Variants in PLCH1 observed in about 807,000 individuals in gnomAD.
The protein encoded by PLCH1 is 1-phosphatidylinositol 4,5-bisphosphate phosphodiesterase eta-1.
Under a neutral mutation model 126.7 loss-of-function variants are expected in PLCH1, and 60 were observed. The observed-to-expected ratio is 0.47, with a 90% CI of 0.38 to 0.59. PLCH1 has a LOEUF of 0.59. Ranked by LOEUF, PLCH1 falls within the 20% of genes least tolerant of loss-of-function variation. The probability of loss-of-function intolerance (pLI) is 0.00; values close to 1 mark genes in which losing one functional copy is unlikely to be tolerated. For missense variants in PLCH1, 1,723 were observed against 2,040.0 expected, an observed-to-expected ratio of 0.84 and a Z score of 2.99; for synonymous variants, 719 against 734.9, an observed-to-expected ratio of 0.98 and a Z score of 0.35.
chr3:155,638,486 G>A (rs1350835862), intron 2 of PLCH1, among the ~76,000 whole-genome samples: 2 of 152,214 alleles, frequency 1.3e-5, no homozygotes, highest in Non-Finnish European at 2.9e-5. Context: ...TAAACATGCA[G>A]AAGAGCTGAC....
chr3:155,663,384 G>A (rs1229155311), intron 2 of PLCH1, among the ~76,000 whole-genome samples: 1 of 152,036 alleles, frequency 6.6e-6, no homozygotes, highest in East Asian at 1.9e-4. Flanking sequence ...TATGCATGGA[G>A]AAGCAAATCC....
At chr3:155,500,095 C>G (rs1291127218) in intron 14 of PLCH1, among the ~76,000 whole-genome samples, 1 of 152,064 alleles carries the variant, frequency 6.6e-6, no homozygotes, top group Admixed American at 6.5e-5. Flanking sequence ...GCCAGGAACT[C>G]CTGTAATGAA....
intron 13 of PLCH1, 40 bp downstream of exon 13, chr3:155,504,510 TTTAAA>T: frequency 2.8e-6 from 3 of 1,068,778 alleles, no homozygotes; most frequent in Non-Finnish European, 4.4e-6. Flanking sequence ...TTCCAGAATC[TTTAAA>T]TTAACTGAAG....
chr3:155,488,148 T>C lies in PLCH1; in HGVS notation c.2540-41A>G, dbSNP rs556772365. The C allele has an allele frequency of 5.5e-6, 7 of 1,280,312 alleles. No homozygotes were observed. In the South Asian group the frequency reaches 8.3e-5, roughly 15 times the overall value. 79.3% of individuals were successfully genotyped at this position (1,280,312 alleles called of 1,614,324 possible). A position where few individuals can be genotyped will look rare whatever the true frequency, so the allele number is the denominator to read the frequency against. Reference sequence around the variant, plus strand: ...AGAGTCGTTTCTTTTTAGTTGAACTTGCATTTGGCTTTCTCATGGGTGCAA... The same window carrying C: ...AGAGTCGTTTCTTTTTAGTTGAACTCGCATTTGGCTTTCTCATGGGTGCAA... On this transcript the variant is annotated intron_variant, in intron 20 of 22. Coordinates refer to ENST00000460012, the MANE Select transcript of PLCH1 (RefSeq NM_014996.4).
chr3:155,688,961 C>T (rs77923389), intron 2 of PLCH1, among the ~76,000 whole-genome samples: 4 of 152,166 alleles, frequency 2.6e-5, no homozygotes, highest in East Asian at 3.9e-4. Flanking sequence ...TGCCTGGGGC[C>T]GGGGGGGATC....
chr3:155,711,964 G>A (rs1005001893), intron 1 of PLCH1, among the ~76,000 whole-genome samples: 4 of 152,194 alleles, frequency 2.6e-5, no homozygotes, highest in African/African-American at 4.8e-5. Context: ...AAACCAAGTC[G>A]TGGTAATATC....
chr3:155,544,372 C>A lies in PLCH1; in HGVS notation c.1362+5415G>T, dbSNP rs1724877725. ...TATATATGCACCCAATACAGGAGCA[C>A]CCAGATTCATAAAGCAAGTCCTGAG... On this transcript the variant is annotated intron_variant, in intron 10 of 22. Transcript: ENST00000460012. 2.0e-5 allele frequency among the ~76,000 whole-genome samples: 3 copies of A among 152,120 alleles called. No individual in the cohort carries two copies. In the South Asian group the frequency reaches 6.2e-4, roughly 32 times the overall value.
intron 21 of PLCH1, among the ~76,000 whole-genome samples, chr3:155,462,417 G>A (rs1024714491): frequency 6.6e-6 from 1 of 152,172 alleles, no homozygotes; most frequent in African/African-American, 2.4e-5. Context: ...AACAGAGATG[G>A]TGAGTATCAG....
rs148563842 is a variant in PLCH1, at chr3:155,481,276, G to A, written c.4750C>T (p.Arg1584Cys). 1.7e-5 allele frequency: 27 copies of A among 1,614,020 alleles called. No homozygotes were observed. The highest frequency in any genetic ancestry group is 1.6e-4 in the Middle Eastern group (1 of 6,084). The change falls in exon 23 of 23, where the codon CGT becomes TGT. Residue 1584 changes from arginine to cysteine, a missense_variant. Transcript: ENST00000460012. This position sits in a 1 kb window ranked among gnomAD's most constrained non-coding sequence, Gnocchi z 4.2. ...TTGGCTTCCTGTTTCTCCTTGGCAC[G>A]ACTAGCAATATTGCGCACTCTGCTC... ...SQSRVRNIAS[R>C]AKEKQEANKQ...
intron 10 of PLCH1, among the ~76,000 whole-genome samples, chr3:155,537,201 C>CAAAAAAAAAAAAAAAAAAAAA (rs1560128167): frequency 3.8e-5 from 5 of 132,104 alleles, no homozygotes; most frequent in African/African-American, 1.5e-4. Context: ...AAAAAAAAAA[C>CAAAAAAAAAAAAAAAAAAAAA]CAAAAAAAAA....
intron 21 of PLCH1, among the ~76,000 whole-genome samples, chr3:155,473,168 A>G (rs1713362096): frequency 6.6e-6 from 1 of 150,500 alleles, no homozygotes; most frequent in Admixed American, 6.6e-5. Flanking sequence ...ATGATTGTAT[A>G]TCTAGAAAAC....
At chr3:155,683,219 T>C (rs1309783354) in intron 2 of PLCH1, among the ~76,000 whole-genome samples, 1 of 152,212 alleles carries the variant, frequency 6.6e-6, no homozygotes, top group Non-Finnish European at 1.5e-5. Context: ...GAACGCTGCC[T>C]GCTTGATGAC....
chr3:155,581,206 T>C (rs1730614339), intron 6 of PLCH1, among the ~76,000 whole-genome samples: 1 of 152,178 alleles, frequency 6.6e-6, no homozygotes, highest in African/African-American at 2.4e-5. Flanking sequence ...TGTGGTAGAA[T>C]TTTATCCTGG....
chr3:155,554,218 A>T (rs1311186637), intron 8 of PLCH1, 22 bp from the exon 9 acceptor site: 2 of 1,608,848 alleles, frequency 1.2e-6, no homozygotes. Flanking sequence ...AGAACTTTAT[A>T]TCAACAACCC....
At chr3:155,646,223 G>T (rs1415696424) in intron 2 of PLCH1, among the ~76,000 whole-genome samples, 1 of 152,138 alleles carries the variant, frequency 6.6e-6, no homozygotes, top group Non-Finnish European at 1.5e-5. Flanking sequence ...AAAAAGAAAT[G>T]GTTATACACC....
chr3:155,699,144 C>T (rs112806583), intron 2 of PLCH1, among the ~76,000 whole-genome samples: 1,663 of 151,436 alleles, frequency 0.011, 40 homozygotes, highest in African/African-American at 0.038. Context: ...GGCGCCATCT[C>T]GGCTCACTGC....
chr3:155,608,142 GA>G (rs1288403290), intron 2 of PLCH1, among the ~76,000 whole-genome samples: 1 of 152,140 alleles, frequency 6.6e-6, no homozygotes, highest in African/African-American at 2.4e-5. Flanking sequence ...GAAGCAGCAG[GA>G]ACAGCCCTGT....
chr3:155,492,857 G>A lies in PLCH1; in HGVS notation c.2183-4C>T. On this transcript the variant is annotated splice_polypyrimidine_tract_variant and splice_region_variant and intron_variant, in intron 17 of 22. Transcript: ENST00000460012. ...CCAGAGAAAGGGTTGAAAGTACCTA[G>A]GCCAAGTAAAGTATAAGTTGGTAAC... The A allele has an allele frequency of 6.3e-7, 1 of 1,585,884 alleles. No homozygotes were observed. The highest frequency in any genetic ancestry group is 1.2e-5 in the South Asian group (1 of 85,672).
intron 21 of PLCH1, among the ~76,000 whole-genome samples, chr3:155,462,683 AC>A (rs1712773736): frequency 6.6e-6 from 1 of 151,892 alleles, no homozygotes; most frequent in Non-Finnish European, 1.5e-5. Flanking sequence ...ATCCCTACCC[AC>A]CCCATCCCAC....
Sources: allele counts gnomAD v4.1 joint callset (sites outside exome capture counted in the v4.1 genomes callset), GRCh38; gene constraint gnomAD v4.1.1; non-coding constraint Gnocchi (gnomAD v3.1); transcripts MANE v1.5; gene names NCBI Gene and HGNC (gene_info 2026-07-23, HGNC 2026-07-21).